Variants in PARP6 observed in about 807,000 individuals in gnomAD.
PARP6 encodes poly(ADP-ribose) polymerase family member 6.
PARP6 carries 27 observed loss-of-function variants against 92.0 expected under a neutral mutation model. The ratio of observed to expected loss-of-function variants is 0.29; its 90% confidence interval spans 0.22 to 0.40. The LOEUF (loss-of-function observed/expected upper bound fraction) is 0.40. PARP6 is among the 10% of genes least tolerant of loss of function. The pLI, the probability that PARP6 is intolerant of heterozygous loss-of-function variation, is 1.00. For missense variants in PARP6, 501 were observed against 784.5 expected (o/e 0.64, Z 4.32); for synonymous variants, 272 against 281.2 (o/e 0.97, Z 0.33).
chr15:72,261,170 G>A (rs2085835007), intron 9 of PARP6, among the ~76,000 whole-genome samples: 1 of 152,160 alleles, frequency 6.6e-6, no homozygotes, highest in African/African-American at 2.4e-5. Flanking sequence ...CACCACAGGG[G>A]GAAAATGTAG....
rs376884652 is a variant in PARP6, at chr15:72,253,238, T to C, written c.1259+199A>G. Among the ~76,000 whole-genome samples, 11 of 151,878 alleles carry C rather than the reference T, an allele frequency of 7.2e-5. No homozygotes were observed. The East Asian group carries it at 1.3e-3, about 19-fold the overall frequency. On this transcript the variant is annotated intron_variant, in intron 16 of 23. Transcript: ENST00000569795. ...AATAATTTTTTTGAAAGAAAAATCA[T>C]GTCAGAATTTGTGGGCGTTTTGTAG...
intron 11 of PARP6, 99 bp from the exon 12 acceptor site, chr15:72,258,231 A>C (rs2085383428): frequency 1.2e-6 from 1 of 837,366 alleles, no homozygotes; most frequent in Non-Finnish European, 2.0e-6. Flanking sequence ...CCATCCTCCC[A>C]GCCCCGTGCC....
chr15:72,258,201 CT>C, intron 11 of PARP6, 69 bp from the exon 12 acceptor site: 10 of 1,207,390 alleles, frequency 8.3e-6, no homozygotes, highest in African/African-American at 1.5e-5. Context: ...ATAATTTCAG[CT>C]TTTTTTTCCA....
At chr15:72,259,775 G>A (rs1291705363) in intron 10 of PARP6, 114 bp from the exon 11 acceptor site, 4 of 850,640 alleles carry the variant, frequency 4.7e-6, no homozygotes, top group African/African-American at 3.4e-5. Context: ...CCCTAGCTCA[G>A]AATCCCGAAG....
chr15:72,261,522 G>C, intron 9 of PARP6, 36 bp downstream of exon 9: 1 of 1,594,850 alleles, frequency 6.3e-7, no homozygotes, highest in Non-Finnish European at 8.6e-7. Flanking sequence ...GCTATCACAA[G>C]GTGTTTACAG....
At chr15:72,266,068 G>GAA (rs2086554118) in intron 4 of PARP6, 77 bp from the exon 5 acceptor site, 1 of 993,440 alleles carries the variant, frequency 1.0e-6, no homozygotes, top group East Asian at 2.5e-5. Context: ...AAAAGAATAT[G>GAA]AAAAGACACC....
intron 1 of PARP6, among the ~76,000 whole-genome samples, chr15:72,271,989 G>A (rs774352415): frequency 9.2e-5 from 14 of 152,166 alleles, no homozygotes; most frequent in South Asian, 2.1e-4. Flanking sequence ...TTAAATTGTG[G>A]GTTGGGCTCC....
At position 72,251,114 on chromosome 15, in the gene PARP6, G is replaced by A. The variant is rs949685453; in HGVS notation, c.1308+93C>T. Reference sequence around the variant, plus strand: ...TAAGTTGATGGACAGAGCAATGTAGGCAGATCTAGGACCAATATGGTTAGC... The same window carrying A: ...TAAGTTGATGGACAGAGCAATGTAGACAGATCTAGGACCAATATGGTTAGC... On this transcript the variant is annotated intron_variant, in intron 17 of 23. Transcript: ENST00000569795. 2.8e-5 allele frequency: 28 copies of A among 995,854 alleles called. No individual in the cohort carries two copies. The African/African-American group carries it at 4.4e-4, about 16-fold the overall frequency. The allele number at this position is 995,854 out of a possible 1,614,324, so 61.7% of individuals were successfully genotyped here. A position where few individuals can be genotyped will look rare whatever the true frequency, so the allele number is the denominator to read the frequency against.
chr15:72,242,655 C>G lies in PARP6; in HGVS notation c.1606G>C (p.Val536Leu), dbSNP rs755728037. The G allele has an allele frequency of 1.2e-6, 2 of 1,612,596 alleles. No individual in the cohort carries two copies. Among genetic ancestry groups the G allele is most frequent in the East Asian group, 4.5e-5 (2 of 44,886 alleles). ...GTATTCATCCTGTTGTATCTCTGGACCAGCTCATCCTTGGAGGGCATCCTG... is the reference window on the plus strand; with the variant it reads ...GTATTCATCCTGTTGTATCTCTGGAGCAGCTCATCCTTGGAGGGCATCCTG... ...QHRMPSKDEL[V>L]QRYNRMNTIP... The change falls in exon 21 of 24, where the codon GTC (valine) becomes CTC (leucine). Residue 536 changes from valine (V) to leucine (L), a missense_variant. This residue lies in a region of PARP6 where 191 missense variants were observed against 399.1 expected (regional missense o/e 0.48). Transcript: ENST00000569795. This position sits in a 1 kb window ranked among gnomAD's most constrained non-coding sequence, Gnocchi z 4.3.
chr15:72,261,337 C>T (rs755362650), intron 9 of PARP6, among the ~76,000 whole-genome samples: 2 of 152,138 alleles, frequency 1.3e-5, no homozygotes, highest in Admixed American at 6.5e-5. Flanking sequence ...ATACATATCA[C>T]GAGCTAGGTA....
intron 20 of PARP6, among the ~76,000 whole-genome samples, chr15:72,248,954 G>A (rs868643812): frequency 6.6e-6 from 1 of 152,132 alleles, no homozygotes; most frequent in Non-Finnish European, 1.5e-5. Flanking sequence ...AACACCAAAC[G>A]TGTTCTACAA....
intron 14 of PARP6, among the ~76,000 whole-genome samples, chr15:72,255,533 C>T (rs28626831): frequency 0.014 from 2,074 of 152,188 alleles, 30 homozygotes; most frequent in African/African-American, 0.024. Flanking sequence ...GCTAGGATTA[C>T]AGGCAGAAGC....
At chr15:72,253,752 T>A (rs2140975827) in intron 15 of PARP6, 1 of 651,418 alleles carries the variant, frequency 1.5e-6, no homozygotes, top group Admixed American at 2.1e-5. Flanking sequence ...TTTTATGCAA[T>A]TCCTACAGCC....
At chr15:72,260,987 G>A (rs1360630516) in intron 9 of PARP6, among the ~76,000 whole-genome samples, 1 of 152,108 alleles carries the variant, frequency 6.6e-6, no homozygotes, top group Non-Finnish European at 1.5e-5. Flanking sequence ...TGGAAAGGCT[G>A]CCTGTTTTTC....
intron 16 of PARP6, among the ~76,000 whole-genome samples, chr15:72,252,867 G>C (rs1459107820): frequency 6.6e-6 from 1 of 152,078 alleles, no homozygotes; most frequent in Non-Finnish European, 1.5e-5. Flanking sequence ...GCGAAACATG[G>C]AACACCTAAA....
intron 14 of PARP6, 29 bp from the exon 15 acceptor site, chr15:72,254,549 C>T (rs748265280): frequency 3.2e-6 from 5 of 1,567,758 alleles, no homozygotes; most frequent in Non-Finnish European, 2.6e-6. Context: ...AAGAGAAGAA[C>T]CAAATAAAGA....
intron 20 of PARP6, chr15:72,243,283 C>G (rs1426079398): frequency 6.6e-6 from 1 of 152,222 alleles, no homozygotes; most frequent in Non-Finnish European, 1.5e-5. Context: ...ATGAGGGGCC[C>G]AGGAGAGTGG....
At chr15:72,270,026 A>G (rs138239437) in intron 2 of PARP6, among the ~76,000 whole-genome samples, 1 of 152,228 alleles carries the variant, frequency 6.6e-6, no homozygotes, top group Non-Finnish European at 1.5e-5. Context: ...TTCTAGTTCT[A>G]GATCCTTGTG....
Position 72,241,443 on chromosome 15 carries a change from G to A in PARP6, c.*12C>T, listed in dbSNP as rs199813498. On this transcript the variant is annotated 3_prime_UTR_variant, in exon 24 of 24. Transcript: ENST00000569795. The surrounding 1 kb of genome is among the most constrained non-coding windows in gnomAD (Gnocchi z 4.1). ...CTGGGGTAACAGGGGTGGTACGAGG[G>A]CTGGGGCCCCCTCAGTTTGTGTAAA... The A allele has an allele frequency of 1.2e-6, 2 of 1,604,814 alleles. No homozygotes were observed. The highest frequency in any genetic ancestry group is 2.2e-5 in the East Asian group (1 of 44,846).
Sources: allele counts gnomAD v4.1 joint callset (sites outside exome capture counted in the v4.1 genomes callset), GRCh38; gene constraint gnomAD v4.1.1; regional missense constraint gnomAD v4.1.1; non-coding constraint Gnocchi (gnomAD v3.1); transcripts MANE v1.5; gene names NCBI Gene and HGNC (gene_info 2026-07-23, HGNC 2026-07-21).